Variants in ADI1 observed in about 807,000 individuals in gnomAD.
ADI1 encodes acireductone dioxygenase 1.
Under a neutral mutation model 18.7 loss-of-function variants are expected in ADI1, and 21 were observed. The ratio of observed to expected loss-of-function variants is 1.13; its 90% CI spans 0.80 to 1.62. The LOEUF (loss-of-function observed/expected upper bound fraction) is 1.62, where lower values mean the gene tolerates loss of function less well. Ranked by LOEUF, ADI1 falls within the 40% of genes most tolerant of loss-of-function variation. The pLI, the probability that ADI1 is intolerant of heterozygous loss-of-function variation, is 0.00. For missense variants in ADI1, 245 were observed against 254.9 expected, an observed-to-expected ratio of 0.96 and a Z score of 0.26; for synonymous variants, 90 against 100.1, an observed-to-expected ratio of 0.90 and a Z score of 0.60.
intron 1 of ADI1, chr2:3,516,706 T>C: frequency 9.2e-6 from 9 of 982,518 alleles, no homozygotes; most frequent in Non-Finnish European, 1.1e-5. Flanking sequence ...TGTCATTTTG[T>C]TATAGCAGCA....
intron 2 of ADI1, among the ~76,000 whole-genome samples, chr2:3,502,605 C>T (rs1050438665): frequency 2.0e-5 from 3 of 152,062 alleles, no homozygotes; most frequent in Admixed American, 2.0e-4. Flanking sequence ...GCATGATCAC[C>T]ACACCCAGCT....
chr2:3,514,823 A>C (rs773876940), intron 1 of ADI1: 1 of 1,549,004 alleles, frequency 6.5e-7, no homozygotes, highest in Admixed American at 2.0e-5. Flanking sequence ...AACAAACTCC[A>C]GTGTTGCAGG....
In ADI1 at chr2:3,499,036, G is replaced by A; in HGVS notation, c.467C>T (p.Thr156Ile). ...MRLFVGEPVW[T>I]AYNRPADHFE... ...ATGGTCAGCGGGCCGGTTGTACGCT[G>A]TCCACACCGGTTCTCCCACAAACAG... The change falls in exon 4 of 4, where the codon ACA (threonine) becomes ATA (isoleucine). Residue 156 changes from threonine to isoleucine, a missense_variant. Coordinates refer to ENST00000327435, the MANE Select transcript of ADI1 (RefSeq NM_018269.4). 1 of 1,614,118 alleles carries A rather than the reference G, an allele frequency of 6.2e-7. No homozygotes were observed. Among genetic ancestry groups the A allele is most frequent in the Non-Finnish European group, 8.5e-7 (1 of 1,179,944 alleles).
In ADI1 at chr2:3,513,891, A is replaced by G. The variant is rs758037564; in HGVS notation, c.206T>C (p.Ile69Thr). ...RNYSWMDIIT[I>T]CKDKLPNYEE... ...ATAATTTGGTAGTTTATCTTTGCATATGGTTATGATGTCCATCCAGGAGTA... is the reference window on the plus strand; with the variant it reads ...ATAATTTGGTAGTTTATCTTTGCATGTGGTTATGATGTCCATCCAGGAGTA... Residue 69 changes from isoleucine to threonine, a missense_variant, in exon 2 of 4, where the codon ATA becomes ACA. Transcript: ENST00000327435. 1 of 1,607,876 alleles carries G rather than the reference A, an allele frequency of 6.2e-7. No individual in the cohort carries two copies. Among genetic ancestry groups the G allele is most frequent in the South Asian group, 1.1e-5 (1 of 89,010 alleles).
At chr2:3,499,239 T>C (rs1179090091) in intron 3 of ADI1, among the ~76,000 whole-genome samples, 157 bp from the exon 4 acceptor site, 3 of 152,230 alleles carry the variant, frequency 2.0e-5, no homozygotes, top group African/African-American at 4.8e-5. Context: ...ATTTTATTCG[T>C]GGAAGGAAAA....
intron 1 of ADI1, chr2:3,516,460 G>A (rs1318018855): frequency 7.0e-6 from 1 of 143,878 alleles, no homozygotes; most frequent in Non-Finnish European, 1.5e-5. Flanking sequence ...GGGTGACAGA[G>A]CGAGGCTCCA....
intron 2 of ADI1, among the ~76,000 whole-genome samples, chr2:3,510,480 G>T (rs1464747976): frequency 1.3e-5 from 2 of 151,986 alleles, no homozygotes; most frequent in African/African-American, 4.8e-5. Context: ...ACAAAAAATA[G>T]AAAAAGAGAA....
chr2:3,503,542 T>TAC (rs36182496), intron 2 of ADI1, among the ~76,000 whole-genome samples: 3,795 of 50,940 alleles, frequency 0.074, 1,422 homozygotes, highest in African/African-American at 0.57. Context: ...CATACACACG[T>TAC]ACACACTCAC....
In ADI1 at chr2:3,498,904, T is replaced by C. The variant is rs1666924799; in HGVS notation, c.*59A>G. The C allele has an allele frequency of 1.6e-5, 25 of 1,545,942 alleles. No individual in the cohort carries two copies. The highest frequency in any genetic ancestry group is 2.2e-5 in the Non-Finnish European group (25 of 1,139,616). On this transcript the variant is annotated 3_prime_UTR_variant, in exon 4 of 4. Coordinates refer to ENST00000327435, the MANE Select transcript of ADI1 (RefSeq NM_018269.4). The stretch of plus-strand genomic sequence containing the variant: ...AGCAAAGAGAAAGTGATTGATTTTC[T>C]GCTCAGTCATTACATTGGGGACCTT...
At chr2:3,512,549 G>T (rs1004203754) in intron 2 of ADI1, among the ~76,000 whole-genome samples, 5 of 152,226 alleles carry the variant, frequency 3.3e-5, no homozygotes, top group African/African-American at 1.2e-4. Flanking sequence ...CAGCTCCAGA[G>T]GGTGCAAGCC....
intron 1 of ADI1, chr2:3,516,010 G>C: frequency 1.0e-6 from 1 of 984,906 alleles, no homozygotes; most frequent in Non-Finnish European, 1.2e-6. Flanking sequence ...GCTATGGTCT[G>C]AATGTGTCCA....
At chr2:3,515,410 C>G (rs1667379230) in intron 1 of ADI1, 1 of 151,700 alleles carries the variant, frequency 6.6e-6, no homozygotes, top group African/African-American at 2.5e-5. Flanking sequence ...AAAAACTCCA[C>G]CCTGGTAAAT....
At chr2:3,518,316 G>T (rs1667452078) in intron 1 of ADI1, among the ~76,000 whole-genome samples, 1 of 152,238 alleles carries the variant, frequency 6.6e-6, no homozygotes, top group African/African-American at 2.4e-5. Context: ...AAGGGAAAAA[G>T]TGTGGTGTCC....
At chr2:3,510,504 C>T (rs56369430) in intron 2 of ADI1, among the ~76,000 whole-genome samples, 34,845 of 151,858 alleles carry the variant, frequency 0.23, 4,777 homozygotes, top group African/African-American at 0.38. Context: ...TCAATGAAAC[C>T]TAAAGTTTTT....
intron 2 of ADI1, among the ~76,000 whole-genome samples, chr2:3,511,134 T>C (rs558844882): frequency 6.6e-6 from 1 of 152,326 alleles, no homozygotes; most frequent in South Asian, 2.1e-4. Context: ...AGTGAGTGAC[T>C]TCTCACAAGA....
chr2:3,507,241 G>C lies in ADI1; in HGVS notation c.241-6248C>G, dbSNP rs916675786. On this transcript the variant is annotated intron_variant, in intron 2 of 3. Transcript: ENST00000327435. The stretch of plus-strand genomic sequence containing the variant: ...ATGTATAAATGGTATAACAGAAGTA[G>C]AAGAGAAAAAAGTGAATAAATATTT... 2.0e-5 allele frequency among the ~76,000 whole-genome samples: 3 copies of C among 152,088 alleles called. No homozygotes were observed. The East Asian group carries it at 5.8e-4, about 29-fold the overall frequency.
At chr2:3,501,952 C>G (rs966094346) in intron 2 of ADI1, among the ~76,000 whole-genome samples, 1 of 151,980 alleles carries the variant, frequency 6.6e-6, no homozygotes, top group Non-Finnish European at 1.5e-5. Context: ...AGACTGTGCC[C>G]TTATAATCTG....
chr2:3,513,933 A>C lies in ADI1; in HGVS notation c.164T>G (p.Ile55Ser). ...KYENDPELEK[I>S]RRERNYSWMD... ...CCAGGAGTAGTTCCTCTCTCTTCGG[A>C]TCTTTTCTAATTCTGGATCATTCTC... is the stretch of plus-strand genomic sequence containing the variant. Residue 55 changes from isoleucine to serine, a missense_variant, in exon 2 of 4, where the codon ATC becomes AGC. Coordinates refer to ENST00000327435, the MANE Select transcript of ADI1 (RefSeq NM_018269.4). The C allele has an allele frequency of 1.2e-6, 2 of 1,612,070 alleles. No individual in the cohort carries two copies. The highest frequency in any genetic ancestry group is 1.7e-6 in the Non-Finnish European group (2 of 1,179,618).
chr2:3,510,604 C>T (rs1667277599), intron 2 of ADI1, among the ~76,000 whole-genome samples: 3 of 152,112 alleles, frequency 2.0e-5, no homozygotes. Context: ...TGAGAGAAGA[C>T]AGCACTACAT....
Sources: gnomAD v4.1 joint callset for allele counts (sites outside exome capture counted in the v4.1 genomes callset) on GRCh38, gnomAD v4.1.1 for gene constraint, MANE v1.5 for transcripts, NCBI Gene and HGNC (gene_info 2026-07-23, HGNC 2026-07-21) for gene names.